The following TDO2 variants were observed in gnomAD, a reference collection of about 807,000 sequenced individuals.
TDO2 encodes tryptamin 2,3-dioxygenase.
TDO2 carries 63 observed loss-of-function variants against 61.2 expected under a neutral mutation model. The observed-to-expected ratio is 1.03, with a 90% CI of 0.84 to 1.27. The LOEUF is 1.27. Among genes scored for constraint, TDO2 ranks in the 50% most tolerant of loss-of-function variants. The pLI is 0.00. For missense variants in TDO2, 494 were observed against 469.5 expected, an observed-to-expected ratio of 1.05 and a Z score of -0.48; for synonymous variants, 183 against 164.0, an observed-to-expected ratio of 1.12 and a Z score of -0.89.
Position 155,918,219 on chromosome 4 carries a change from C to T in TDO2, c.1047C>T (p.His349=). 2.5e-6 allele frequency: 4 copies of T among 1,614,080 alleles called. No individual in the cohort carries two copies. Among genetic ancestry groups the T allele is most frequent in the Non-Finnish European group, 3.4e-6 (4 of 1,179,948 alleles). Residue 349 remains histidine (H), a synonymous_variant, in exon 11 of 12, where the codon CAC becomes CAT. Coordinates refer to ENST00000536354, the MANE Select transcript of TDO2 (RefSeq NM_005651.4). ...KAGTGGSSGY[H]YLRSTVSDRY... is the part of the protein sequence containing the mutation. ...GCACCGGTGGTTCCTCAGGCTATCACTACCTGCGATCAACTGTGAGGTAGG... is the reference window on the plus strand; with the variant it reads ...GCACCGGTGGTTCCTCAGGCTATCATTACCTGCGATCAACTGTGAGGTAGG...
At position 155,904,075 on chromosome 4, in the gene TDO2, T is replaced by C; in HGVS notation, c.93T>C (p.Gly31=). ...GCGAAGAAGACAAATCACAAACTGG[T>C]GTGAATAGAGCCAGCAAAGGAGGTC... ...EGSEEDKSQT[G]VNRASKGGLI... The change falls in exon 2 of 12, where the codon GGT becomes GGC. Residue 31 remains glycine (G), a synonymous_variant. Coordinates refer to ENST00000536354, the MANE Select transcript of TDO2 (RefSeq NM_005651.4). The C allele has an allele frequency of 3.1e-6, 5 of 1,614,038 alleles. No individual in the cohort carries two copies. In the South Asian group the frequency reaches 5.5e-5, roughly 18 times the overall value.
intron 10 of TDO2, among the ~76,000 whole-genome samples, chr4:155,917,795 A>G (rs1420526665): frequency 6.6e-6 from 1 of 152,152 alleles, no homozygotes; most frequent in Non-Finnish European, 1.5e-5. Context: ...CATTATGCCA[A>G]TGCAGTTTTA....
chr4:155,911,866 A>G (rs975438792), intron 7 of TDO2, among the ~76,000 whole-genome samples: 5 of 152,166 alleles, frequency 3.3e-5, no homozygotes, highest in Non-Finnish European at 7.4e-5. Flanking sequence ...ATTTCTATTG[A>G]AAATTCTATA....
chr4:155,918,277 C>G (rs1311839953), intron 11 of TDO2, 38 bp downstream of exon 11: 2 of 1,596,830 alleles, frequency 1.3e-6, no homozygotes, highest in East Asian at 2.2e-5. Context: ...TGGTGGCAGT[C>G]ACCAACAATT....
intron 4 of TDO2, among the ~76,000 whole-genome samples, chr4:155,908,345 C>A (rs1440538026): frequency 6.6e-6 from 1 of 152,044 alleles, no homozygotes; most frequent in Non-Finnish European, 1.5e-5. Flanking sequence ...CATCTCCCAC[C>A]CTGCTTTCTC....
In TDO2 at chr4:155,909,083, C is replaced by A. The variant is rs1742771163; in HGVS notation, c.431+69C>A. ...TCTCATTTTGGTGGGGTAAAAGCAGCATGTGTGTGTTTTGTGCCATGAGGA... is the reference window on the plus strand; with the variant it reads ...TCTCATTTTGGTGGGGTAAAAGCAGAATGTGTGTGTTTTGTGCCATGAGGA... On this transcript the variant is annotated intron_variant, in intron 5 of 11. Coordinates refer to ENST00000536354, the MANE Select transcript of TDO2 (RefSeq NM_005651.4). The A allele has an allele frequency of 8.2e-6, 12 of 1,464,126 alleles. No homozygotes were observed. The South Asian group carries it at 1.7e-4, about 20-fold the overall frequency. 90.7% of individuals were successfully genotyped at this position (1,464,126 alleles called of 1,614,324 possible).
At position 155,909,578 on chromosome 4, in the gene TDO2, A is replaced by T. The variant is rs567353640; in HGVS notation, c.432-447A>T. Among the ~76,000 whole-genome samples, 9 of 152,268 alleles carry T rather than the reference A, an allele frequency of 5.9e-5. No individual in the cohort carries two copies. The South Asian group carries it at 1.9e-3, about 32-fold the overall frequency. The stretch of plus-strand genomic sequence containing the variant: ...GAATTTGTGGTGAATTTAAAACGTT[A>T]AAGTCTTAGCAGCAGTGAAATGAAA... On this transcript the variant is annotated intron_variant, in intron 5 of 11. Transcript: ENST00000536354.
chr4:155,912,694 C>A (rs1388050453), intron 7 of TDO2, among the ~76,000 whole-genome samples: 1 of 152,166 alleles, frequency 6.6e-6, no homozygotes, highest in Admixed American at 6.5e-5. Context: ...TAGATGGTGT[C>A]ATTTATACCC....
chr4:155,906,961 T>C (rs1175708144), intron 3 of TDO2: 1 of 152,232 alleles, frequency 6.6e-6, no homozygotes, highest in Non-Finnish European at 1.5e-5. Flanking sequence ...TCACTTTTCT[T>C]TAATGCCAAT....
At chr4:155,918,471 G>A (rs922608345) in intron 11 of TDO2, among the ~76,000 whole-genome samples, 1 of 152,136 alleles carries the variant, frequency 6.6e-6, no homozygotes, top group African/African-American at 2.4e-5. Flanking sequence ...GGTATCAATG[G>A]CTGCATGATA....
chr4:155,910,398 C>G (rs1294518198), intron 6 of TDO2, among the ~76,000 whole-genome samples, 187 bp downstream of exon 6: 1 of 152,016 alleles, frequency 6.6e-6, no homozygotes, highest in African/African-American at 2.4e-5. Flanking sequence ...ATGTCAAGAA[C>G]CCTGCTGAGA....
chr4:155,915,248 CTT>C (rs1213248378), intron 8 of TDO2, among the ~76,000 whole-genome samples: 1 of 152,104 alleles, frequency 6.6e-6, no homozygotes, highest in Non-Finnish European at 1.5e-5. Flanking sequence ...TAAAAATTAA[CTT>C]TTATAACACA....
Position 155,904,860 on chromosome 4 carries a change from A to C in TDO2, c.142-207A>C, listed in dbSNP as rs151162192. On this transcript the variant is annotated intron_variant, in intron 2 of 11. Transcript: ENST00000536354. ...GATTTATTATGATAAAATCCTACCA[A>C]ATAGAAATTTTCTGAGAAGAATAAA... Among the ~76,000 whole-genome samples, 527 of 152,264 alleles carry C rather than the reference A, an allele frequency of 3.5e-3. 3 individuals are homozygous for C. Among genetic ancestry groups the C allele is most frequent in the African/African-American group, 0.012 (489 of 41,562 alleles).
intron 5 of TDO2, among the ~76,000 whole-genome samples, chr4:155,909,658 G>A (rs1221321377): frequency 3.3e-5 from 5 of 151,938 alleles, no homozygotes; most frequent in African/African-American, 7.3e-5. Flanking sequence ...TTTGATATCC[G>A]ATGATATTTA....
At chr4:155,907,855 T>A in intron 4 of TDO2, 63 bp downstream of exon 4, 1 of 1,290,652 alleles carries the variant, frequency 7.7e-7, no homozygotes, top group Non-Finnish European at 1.1e-6. Flanking sequence ...AAAGTATTAT[T>A]AATGAGAGAA....
chr4:155,919,196 A>G (rs1480562108), intron 11 of TDO2, among the ~76,000 whole-genome samples: 1 of 152,216 alleles, frequency 6.6e-6, no homozygotes, highest in Non-Finnish European at 1.5e-5. Context: ...AGAGTTAGAA[A>G]CTGGGGCATT....
rs756362365 is a variant in TDO2, at chr4:155,917,517, G to A, written c.976+43G>A. Reference sequence around the variant, plus strand: ...ACCCCATGTTGCTTCCCCACATGCTGTTCCTGTGCTCTTTATCTTGGTCTT... The same window carrying A: ...ACCCCATGTTGCTTCCCCACATGCTATTCCTGTGCTCTTTATCTTGGTCTT... On this transcript the variant is annotated intron_variant, in intron 10 of 11. Transcript: ENST00000536354. The A allele has an allele frequency of 7.3e-6, 11 of 1,509,184 alleles. No individual in the cohort carries two copies. The South Asian group carries it at 1.1e-4, about 15-fold the overall frequency. 93.5% of individuals were successfully genotyped at this position (1,509,184 alleles called of 1,614,324 possible). A position where few individuals can be genotyped will look rare whatever the true frequency, so the allele number is the denominator to read the frequency against.
At position 155,914,566 on chromosome 4, in the gene TDO2, A is replaced by T. The variant is rs10034841; in HGVS notation, c.838+132A>T. The T allele has an allele frequency of 2.8e-3, 1,653 of 595,930 alleles. 25 individuals are homozygous for T. The African/African-American group carries it at 0.029, about 11-fold the overall frequency. 36.9% of individuals were successfully genotyped at this position (595,930 alleles called of 1,614,324 possible). A position where few individuals can be genotyped will look rare whatever the true frequency, so the allele number is the denominator to read the frequency against. Reference sequence around the variant, plus strand: ...ATTGATATTCTACTGATAGAAACAAAAATGGAGTAAATGTTTTTGGTGATA... The same window carrying T: ...ATTGATATTCTACTGATAGAAACAATAATGGAGTAAATGTTTTTGGTGATA... On this transcript the variant is annotated intron_variant, in intron 8 of 11. Transcript: ENST00000536354.
chr4:155,918,313 T>C (rs1172139556), intron 11 of TDO2, 74 bp downstream of exon 11: 5 of 1,421,240 alleles, frequency 3.5e-6, no homozygotes, highest in Admixed American at 1.8e-5. Flanking sequence ...ACATTTGCTA[T>C]CTAAAAAAAG....
Sources: gnomAD v4.1 joint callset for allele counts (sites outside exome capture counted in the v4.1 genomes callset) on GRCh38, gnomAD v4.1.1 for gene constraint, MANE v1.5 for transcripts, NCBI Gene and HGNC (gene_info 2026-07-23, HGNC 2026-07-21) for gene names.